DDHD2: variants seen among roughly 807,000 people sequenced by gnomAD.
DDHD2 encodes DDHD domain containing 2.
A neutral mutation model predicts 91.2 loss-of-function variants in DDHD2; 62 were observed. The observed-to-expected ratio is 0.68, with a 90% CI of 0.55 to 0.84. The LOEUF (loss-of-function observed/expected upper bound fraction) is 0.84, where lower values mean the gene tolerates loss of function less well. Ranked by LOEUF, DDHD2 falls within the 40% of genes least tolerant of loss-of-function variation. DDHD2 has a pLI of 0.00. For missense variants in DDHD2, 740 were observed against 846.9 expected (o/e 0.87, Z 1.57); for synonymous variants, 271 against 293.9 (o/e 0.92, Z 0.80).
intron 10 of DDHD2, among the ~76,000 whole-genome samples, chr8:38,248,100 C>A (rs929541853): frequency 6.6e-6 from 1 of 152,186 alleles, no homozygotes; most frequent in Non-Finnish European, 1.5e-5. Flanking sequence ...CAAGAACAAA[C>A]AAATAAATAA....
intron 16 of DDHD2, among the ~76,000 whole-genome samples, chr8:38,259,198 T>C (rs1806770352): frequency 6.6e-6 from 1 of 151,564 alleles, no homozygotes; most frequent in South Asian, 2.1e-4. Flanking sequence ...AAAGGAACAA[T>C]TCTTGGTTAT....
intron 1 of DDHD2, chr8:38,270,243 A>C (rs1488743428): frequency 6.6e-6 from 1 of 152,250 alleles, no homozygotes; most frequent in African/African-American, 2.4e-5. Context: ...TGATTTAGGC[A>C]AAGTAATGGT....
downstream of DDHD2, chr8:38,271,411 C>T (rs141308645): frequency 5.3e-5 from 8 of 152,138 alleles, no homozygotes; most frequent in African/African-American, 1.9e-4. Flanking sequence ...CCCCCCTTAC[C>T]CTTTACCAGG....
At chr8:38,260,374 A>G (rs1304713864) in intron 17 of DDHD2, 3 of 338,014 alleles carry the variant, frequency 8.9e-6, no homozygotes, top group South Asian at 7.1e-5. Context: ...ATTTTGTCCA[A>G]TGACACCTGT....
intron 7 of DDHD2, among the ~76,000 whole-genome samples, chr8:38,244,813 C>T (rs541761778): frequency 1.1e-4 from 17 of 152,212 alleles, no homozygotes; most frequent in African/African-American, 3.9e-4. Flanking sequence ...ATCTGCCCGC[C>T]TCAGCCTCCC....
chr8:38,242,331 T>A lies in DDHD2; in HGVS notation c.794T>A (p.Val265Glu). 6.2e-7 allele frequency: 1 copy of A among 1,611,082 alleles called. No individual in the cohort carries two copies. Among genetic ancestry groups the A allele is most frequent in the Non-Finnish European group, 8.5e-7 (1 of 1,179,056 alleles). The stretch of plus-strand genomic sequence containing the variant: ...CAAGAAAATCAGCAGATTGGGAGGG[T>A]AGAATTTCTTCCAGTCAACTGGCAC... Reference protein sequence around the residue: ...KAQENQQIGRVEFLPVNWHSP... With the variant: ...KAQENQQIGREEFLPVNWHSP... Residue 265 changes from valine to glutamate, a missense_variant, in exon 7 of 18, where the codon GTA (valine) becomes GAA (glutamate). Val to Glu is a moderately radical substitution (Grantham distance 121). Coordinates refer to ENST00000397166, the MANE Select transcript of DDHD2 (RefSeq NM_015214.3).
Position 38,240,347 on chromosome 8 carries a change from G to T in DDHD2, c.695G>T (p.Arg232Leu), listed in dbSNP as rs761670911. 1 of 1,609,836 alleles carries T rather than the reference G, an allele frequency of 6.2e-7. No homozygotes were observed. The highest frequency in any genetic ancestry group is 1.3e-5 in the African/African-American group (1 of 74,942). ...GIGPACDLRF[R>L]SIVQCVNDFR... ...GGACCAGCTTGTGATCTCCGCTTTCGAAGCATTGTACAGTGTGGTAGGTTT... is the reference window on the plus strand; with the variant it reads ...GGACCAGCTTGTGATCTCCGCTTTCTAAGCATTGTACAGTGTGGTAGGTTT... The change falls in exon 6 of 18, where the codon CGA becomes CTA. Residue 232 changes from arginine to leucine, a missense_variant. This residue lies in a region of DDHD2 where 693 missense variants were observed against 764.2 expected (regional missense o/e 0.91). Transcript: ENST00000397166.
intron 16 of DDHD2, among the ~76,000 whole-genome samples, chr8:38,258,008 T>C (rs1197649952): frequency 6.6e-6 from 1 of 152,092 alleles, no homozygotes; most frequent in African/African-American, 2.4e-5. Context: ...AACAGGATCT[T>C]GCATGCAGTG....
chr8:38,240,332 G>A lies in DDHD2; in HGVS notation c.680G>A (p.Cys227Tyr). ...VFVVHGIGPA[C>Y]DLRFRSIVQC... ...GTAGTCCATGGGATTGGACCAGCTT[G>A]TGATCTCCGCTTTCGAAGCATTGTA... The change falls in exon 6 of 18, where the codon TGT becomes TAT. Residue 227 changes from cysteine to tyrosine, a missense_variant. Physicochemically the swap from Cys to Tyr is radical, Grantham distance 194. Transcript: ENST00000397166. 4 of 1,610,888 alleles carry A rather than the reference G, an allele frequency of 2.5e-6. No homozygotes were observed. Among genetic ancestry groups the A allele is most frequent in the Non-Finnish European group, 3.4e-6 (4 of 1,177,604 alleles).
At chr8:38,236,498 G>C (rs1162061335) in intron 3 of DDHD2, among the ~76,000 whole-genome samples, 1 of 151,642 alleles carries the variant, frequency 6.6e-6, no homozygotes, top group African/African-American at 2.4e-5. Context: ...GGGATTACAA[G>C]CGTGCCTCAC....
chr8:38,252,265 G>C lies in DDHD2; in HGVS notation c.1595G>C (p.Gly532Ala). The C allele has an allele frequency of 6.2e-7, 1 of 1,613,590 alleles. No individual in the cohort carries two copies. The highest frequency in any genetic ancestry group is 8.5e-7 in the Non-Finnish European group (1 of 1,179,832). ...DPNYRFPTCK[G>A]FFNIYHPFDP... ...AACTACAGATTTCCAACGTGCAAAG[G>C]TTTCTTCAATATTTATCACCCTGTA... The change falls in exon 13 of 18, where the codon GGT becomes GCT. Residue 532 changes from glycine (G) to alanine (A), a missense_variant. Gly to Ala is a moderately conservative substitution (Grantham distance 60). Transcript: ENST00000397166.
At chr8:38,249,586 C>T in intron 10 of DDHD2, 122 bp from the exon 11 acceptor site, 1 of 450,404 alleles carries the variant, frequency 2.2e-6, no homozygotes, top group Non-Finnish European at 4.0e-6. Context: ...GGAAGTTATT[C>T]TATGATGTTT....
intron 3 of DDHD2, among the ~76,000 whole-genome samples, chr8:38,236,225 G>A (rs1804733740): frequency 6.6e-6 from 1 of 150,948 alleles, no homozygotes; most frequent in Non-Finnish European, 1.5e-5. Flanking sequence ...TGTTAGCCAG[G>A]ATGGTCTCAA....
chr8:38,255,447 A>G lies in DDHD2; in HGVS notation c.2054+1729A>G, dbSNP rs1035139772. 4 of 329,802 alleles carry G rather than the reference A, an allele frequency of 1.2e-5. No individual in the cohort carries two copies. The Admixed American group carries it at 1.9e-4, about 16-fold the overall frequency. The allele number at this position is 329,802 out of a possible 1,614,324, so 20.4% of individuals were successfully genotyped here. A position where few individuals can be genotyped will look rare whatever the true frequency, so the allele number is the denominator to read the frequency against. ...TACATTCATATGGTTTGAAATTCAAAGAAAGAAAAATAATGAAAAGCCTCT... is the reference window on the plus strand; with the variant it reads ...TACATTCATATGGTTTGAAATTCAAGGAAAGAAAAATAATGAAAAGCCTCT... On this transcript the variant is annotated intron_variant, in intron 16 of 17. Coordinates refer to ENST00000397166, the MANE Select transcript of DDHD2 (RefSeq NM_015214.3).
At chr8:38,265,255 ACT>A (rs1807411651), downstream of DDHD2, among the ~76,000 whole-genome samples, 2 of 126,826 alleles carry the variant, frequency 1.6e-5, no homozygotes, top group African/African-American at 6.1e-5. Flanking sequence ...GCAGAGCTAG[ACT>A]CTGTCTCAAA....
At chr8:38,263,229 A>C (rs1044160), downstream of DDHD2, 6,239 of 188,114 alleles carry the variant, frequency 0.033, 152 homozygotes, top group Non-Finnish European at 0.049. Context: ...TAATCACAAT[A>C]AAGAGAAAGG....
intron 6 of DDHD2, 64 bp downstream of exon 6, chr8:38,240,428 G>A (rs947327051): frequency 8.2e-7 from 1 of 1,215,924 alleles, no homozygotes; most frequent in African/African-American, 1.5e-5. Flanking sequence ...ATAAAGCCTT[G>A]TCTTTGGTCT....
At chr8:38,257,810 G>A (rs1806646726) in intron 16 of DDHD2, among the ~76,000 whole-genome samples, 1 of 151,254 alleles carries the variant, frequency 6.6e-6, no homozygotes, top group Non-Finnish European at 1.5e-5. Flanking sequence ...CATTACAGGT[G>A]TGCACCACCA....
At chr8:38,237,101 TGCTGTG>T (rs1401537428) in intron 3 of DDHD2, among the ~76,000 whole-genome samples, 3 of 152,042 alleles carry the variant, frequency 2.0e-5, no homozygotes, top group Non-Finnish European at 2.9e-5. Context: ...ATAGGCTGGG[TGCTGTG>T]GCTCATGCTT....
Sources: allele counts gnomAD v4.1 joint callset (sites outside exome capture counted in the v4.1 genomes callset), GRCh38; gene constraint gnomAD v4.1.1; regional missense constraint gnomAD v4.1.1; transcripts MANE v1.5; gene names NCBI Gene and HGNC (gene_info 2026-07-23, HGNC 2026-07-21).